ULK4: variants seen among roughly 807,000 people sequenced by gnomAD.
The protein encoded by ULK4 is inactive serine/threonine-protein kinase ULK4.
In ULK4, 133 loss-of-function variants were observed where a neutral mutation model predicts 160.6. The ratio of observed to expected loss-of-function variants is 0.83; its 90% CI spans 0.72 to 0.96. The LOEUF is 0.96. Among genes scored for constraint, ULK4 ranks in the 40% least tolerant of loss-of-function variants. The probability of loss-of-function intolerance (pLI) is 0.00; values close to 1 mark genes in which losing one functional copy is unlikely to be tolerated. For missense variants in ULK4, 1,580 were observed against 1,499.5 expected, an observed-to-expected ratio of 1.05 and a Z score of -0.89; for synonymous variants, 534 against 539.8, an observed-to-expected ratio of 0.99 and a Z score of 0.15.
At chr3:41,443,612 ATGT>A (rs1343198116) in intron 34 of ULK4, among the ~76,000 whole-genome samples, 1 of 152,138 alleles carries the variant, frequency 6.6e-6, no homozygotes, top group African/African-American at 2.4e-5. Flanking sequence ...ACTTTGGACC[ATGT>A]TGTTAAGGGG....
chr3:41,952,360 C>T (rs1700320096), intron 2 of ULK4, among the ~76,000 whole-genome samples: 1 of 152,076 alleles, frequency 6.6e-6, no homozygotes, highest in South Asian at 2.1e-4. Context: ...AGCAAGAAAA[C>T]AACCAACCAG....
At chr3:41,459,314 C>G (rs2083630410) in intron 33 of ULK4, among the ~76,000 whole-genome samples, 1 of 152,188 alleles carries the variant, frequency 6.6e-6, no homozygotes, top group Non-Finnish European at 1.5e-5. Context: ...ATCTGCCCAC[C>G]TGGGCCTCTC....
chr3:41,249,667 G>A (rs2078708494), intron 35 of ULK4, 93 bp from the exon 36 acceptor site: 5 of 1,336,340 alleles, frequency 3.7e-6, no homozygotes, highest in Non-Finnish European at 5.2e-6. Flanking sequence ...GGCCTGCATG[G>A]TGCTGTGGCT....
At chr3:41,587,351 G>A (rs1309301050) in intron 31 of ULK4, among the ~76,000 whole-genome samples, 1 of 152,080 alleles carries the variant, frequency 6.6e-6, no homozygotes, top group African/African-American at 2.4e-5. Flanking sequence ...ATGAGGTTAG[G>A]CCCACCTGCA....
At chr3:41,497,755 G>A (rs2085044038) in intron 32 of ULK4, among the ~76,000 whole-genome samples, 1 of 152,114 alleles carries the variant, frequency 6.6e-6, no homozygotes, top group Admixed American at 6.5e-5. Context: ...AGTAATACAT[G>A]CCTGTAGTCT....
intron 35 of ULK4, among the ~76,000 whole-genome samples, chr3:41,339,676 T>G (rs1224641281): frequency 6.6e-6 from 1 of 152,222 alleles, no homozygotes; most frequent in African/African-American, 2.4e-5. Context: ...CAATCTCACC[T>G]GCTTTTCAAT....
At chr3:41,323,275 C>T (rs545805708) in intron 35 of ULK4, among the ~76,000 whole-genome samples, 5 of 151,868 alleles carry the variant, frequency 3.3e-5, no homozygotes, top group East Asian at 3.9e-4. Flanking sequence ...TACACACACA[C>T]GTCAAAGGCA....
intron 35 of ULK4, among the ~76,000 whole-genome samples, chr3:41,278,431 A>G (rs1437382531): frequency 5.3e-5 from 8 of 152,204 alleles, no homozygotes; most frequent in Admixed American, 5.2e-4. Flanking sequence ...GACAGCTCTG[A>G]AGAGAGCAGT....
At chr3:41,344,364 C>G (rs1483565919) in intron 35 of ULK4, among the ~76,000 whole-genome samples, 1 of 152,116 alleles carries the variant, frequency 6.6e-6, no homozygotes, top group Admixed American at 6.6e-5. Context: ...AAACCCAAAA[C>G]TACAAAAACC....
At chr3:41,348,226 A>G (rs915607394) in intron 35 of ULK4, among the ~76,000 whole-genome samples, 1 of 151,320 alleles carries the variant, frequency 6.6e-6, no homozygotes. Flanking sequence ...AAAAAAAAAA[A>G]AAAAAAGTAC....
At chr3:41,647,978 G>A (rs1461499701) in intron 30 of ULK4, among the ~76,000 whole-genome samples, 4 of 152,308 alleles carry the variant, frequency 2.6e-5, no homozygotes, top group Middle Eastern at 3.4e-3. Flanking sequence ...GCGAGACTCC[G>A]TGGGCGTAGG....
At chr3:41,730,221 A>G (rs1417281224) in intron 22 of ULK4, among the ~76,000 whole-genome samples, 3 of 152,202 alleles carry the variant, frequency 2.0e-5, no homozygotes, top group African/African-American at 7.2e-5. Flanking sequence ...ACCAAACATT[A>G]TACTTCAAGG....
chr3:41,794,268 T>C (rs1474535178), intron 20 of ULK4, among the ~76,000 whole-genome samples: 4 of 152,132 alleles, frequency 2.6e-5, no homozygotes, highest in Non-Finnish European at 5.9e-5. Flanking sequence ...CTCCACCTGC[T>C]CATTCATTCA....
intron 1 of ULK4, among the ~76,000 whole-genome samples, chr3:41,958,722 A>AG (rs1220378979): frequency 2.6e-5 from 4 of 152,012 alleles, no homozygotes; most frequent in Admixed American, 2.6e-4. Flanking sequence ...CTCAAAAAAA[A>AG]AAAAATTAAG....
intron 18 of ULK4, among the ~76,000 whole-genome samples, chr3:41,831,406 C>T (rs1439527075): frequency 3.5e-5 from 5 of 141,772 alleles, no homozygotes; most frequent in Non-Finnish European, 7.5e-5. Context: ...TACATATCTC[C>T]ATATACTAGT....
At chr3:41,526,846 G>A (rs1476310898) in intron 32 of ULK4, among the ~76,000 whole-genome samples, 2 of 152,116 alleles carry the variant, frequency 1.3e-5, no homozygotes, top group Non-Finnish European at 2.9e-5. Context: ...TTGTGTTTCT[G>A]TTGTTTTACA....
chr3:41,846,792 G>A (rs748416859), intron 17 of ULK4, among the ~76,000 whole-genome samples: 8 of 136,766 alleles, frequency 5.8e-5, no homozygotes, highest in African/African-American at 2.1e-4. Context: ...GCGACAGAGC[G>A]AGACTCTCTC....
chr3:41,551,775 G>A (rs1484860588), intron 32 of ULK4, among the ~76,000 whole-genome samples: 1 of 151,600 alleles, frequency 6.6e-6, no homozygotes, highest in African/African-American at 2.4e-5. Context: ...ATTCTACAAG[G>A]CCAGCATTAC....
chr3:41,312,937 GCTC>G (rs1214587955), intron 35 of ULK4, among the ~76,000 whole-genome samples: 3 of 152,004 alleles, frequency 2.0e-5, no homozygotes, highest in Admixed American at 6.6e-5. Flanking sequence ...AAAGTAATGA[GCTC>G]ATCATACAAA....
Sources: gnomAD v4.1 joint callset for allele counts (sites outside exome capture counted in the v4.1 genomes callset) on GRCh38, gnomAD v4.1.1 for gene constraint, MANE v1.5 for transcripts, NCBI Gene and HGNC (gene_info 2026-07-23, HGNC 2026-07-21) for gene names.